Variants in KLHL14 observed in about 807,000 individuals in gnomAD.
The protein encoded by KLHL14 is kelch like family member 14, also known as kelch-like protein 14.
A neutral mutation model predicts 64.3 loss-of-function variants in KLHL14; 22 were observed. The observed-to-expected ratio is 0.34, with a 90% CI of 0.24 to 0.49. The LOEUF (loss-of-function observed/expected upper bound fraction) is 0.49, where lower values mean the gene tolerates loss of function less well. Among genes scored for constraint, KLHL14 ranks in the 20% least tolerant of loss-of-function variants. KLHL14 has a pLI of 0.99. For missense variants in KLHL14, 661 were observed against 789.0 expected (o/e 0.84, Z 1.94); for synonymous variants, 322 against 333.4 (o/e 0.97, Z 0.37).
intron 2 of KLHL14, among the ~76,000 whole-genome samples, chr18:32,767,290 A>G (rs1309030239): frequency 6.6e-6 from 1 of 152,212 alleles, no homozygotes; most frequent in East Asian, 1.9e-4. Context: ...TAGGAACTTC[A>G]TGGTTATTTT....
chr18:32,769,573 G>GCCCC, intron 2 of KLHL14, 72 bp downstream of exon 2: 1 of 356,302 alleles, frequency 2.8e-6, no homozygotes, highest in Non-Finnish European at 4.4e-6. Flanking sequence ...CCTCCTCCCT[G>GCCCC]CCCCCTCCCC....
chr18:32,763,629 TCAGA>T lies in KLHL14; in HGVS notation c.947+6012_947+6015del, dbSNP rs141040730. Reference sequence around the variant, plus strand: ...GATAAGTCAAGCTTGTGGTAGTTGCTCAGACAGTGATAGCTACTATTATTATTGG... The same window carrying T: ...GATAAGTCAAGCTTGTGGTAGTTGCTCAGTGATAGCTACTATTATTATTGG... On this transcript the variant is annotated intron_variant, in intron 2 of 8. Transcript: ENST00000359358. 9.2e-3 allele frequency among the ~76,000 whole-genome samples: 1,405 copies of T among 152,310 alleles called. 18 individuals are homozygous for T. The highest frequency in any genetic ancestry group is 0.032 in the African/African-American group (1,343 of 41,552).
At chr18:32,719,791 C>A (rs2050067126) in intron 3 of KLHL14, among the ~76,000 whole-genome samples, 1 of 152,168 alleles carries the variant, frequency 6.6e-6, no homozygotes, top group African/African-American at 2.4e-5. Context: ...GGAGCTGTGA[C>A]AACACAGAGG....
intron 5 of KLHL14, among the ~76,000 whole-genome samples, chr18:32,682,585 A>AT (rs1180524124): frequency 2.0e-5 from 3 of 152,132 alleles, no homozygotes; most frequent in African/African-American, 7.2e-5. Flanking sequence ...AAAAATTGAG[A>AT]TTTTTCTGGT....
chr18:32,727,067 C>T (rs1303674588), intron 3 of KLHL14, among the ~76,000 whole-genome samples: 1 of 152,220 alleles, frequency 6.6e-6, no homozygotes, highest in Non-Finnish European at 1.5e-5. Context: ...GGGGAGTGAA[C>T]TCCCAACCTT....
intron 3 of KLHL14, among the ~76,000 whole-genome samples, chr18:32,711,659 G>A (rs1398907764): frequency 1.3e-5 from 2 of 152,138 alleles, no homozygotes; most frequent in Admixed American, 1.3e-4. Context: ...GAGTATCTGA[G>A]CATCAAGGGC....
chr18:32,711,522 G>A (rs2050019145), intron 3 of KLHL14, among the ~76,000 whole-genome samples: 1 of 152,130 alleles, frequency 6.6e-6, no homozygotes, highest in Non-Finnish European at 1.5e-5. Context: ...GTGACAAAAT[G>A]GGGAGTAACA....
intron 3 of KLHL14, among the ~76,000 whole-genome samples, chr18:32,737,181 A>G (rs1438027555): frequency 6.6e-6 from 1 of 152,158 alleles, no homozygotes; most frequent in Non-Finnish European, 1.5e-5. Context: ...ATAACATTAA[A>G]TTAAATGGTT....
intron 3 of KLHL14, among the ~76,000 whole-genome samples, chr18:32,736,063 G>T (rs929345584): frequency 4.6e-5 from 7 of 152,116 alleles, no homozygotes; most frequent in Admixed American, 2.0e-4. Context: ...TATGTCTAAA[G>T]AAGGTATCAG....
intron 3 of KLHL14, among the ~76,000 whole-genome samples, chr18:32,710,424 C>G (rs2050013457): frequency 6.6e-6 from 1 of 152,014 alleles, no homozygotes; most frequent in Non-Finnish European, 1.5e-5. Flanking sequence ...AAACGAGTAC[C>G]CATATTTTTA....
chr18:32,682,803 A>G (rs969528972), intron 5 of KLHL14, among the ~76,000 whole-genome samples: 3 of 152,212 alleles, frequency 2.0e-5, no homozygotes. Flanking sequence ...CATATCTACA[A>G]AAATCCATCC....
intron 2 of KLHL14, among the ~76,000 whole-genome samples, chr18:32,755,375 A>C (rs1262731402): frequency 1.3e-5 from 2 of 152,174 alleles, no homozygotes; most frequent in African/African-American, 4.8e-5. Flanking sequence ...TGTGGATGCT[A>C]TACTGTGTGG....
At chr18:32,701,026 A>C (rs1332572814) in intron 3 of KLHL14, among the ~76,000 whole-genome samples, 2 of 152,214 alleles carry the variant, frequency 1.3e-5, no homozygotes, top group African/African-American at 2.4e-5. Context: ...AGAGAGGCCC[A>C]GGGCAGACCA....
At chr18:32,692,430 A>G (rs2049912174) in intron 4 of KLHL14, among the ~76,000 whole-genome samples, 1 of 152,226 alleles carries the variant, frequency 6.6e-6, no homozygotes. Flanking sequence ...TCTCCCTGCC[A>G]GCAATGATAT....
chr18:32,729,110 T>A (rs1190085335), intron 3 of KLHL14, among the ~76,000 whole-genome samples: 1 of 152,102 alleles, frequency 6.6e-6, no homozygotes, highest in Non-Finnish European at 1.5e-5. Context: ...AAGGAGAAAA[T>A]GAGAAGCCAA....
At chr18:32,715,012 C>T (rs2050038174) in intron 3 of KLHL14, among the ~76,000 whole-genome samples, 2 of 151,980 alleles carry the variant, frequency 1.3e-5, no homozygotes, top group South Asian at 4.2e-4. Flanking sequence ...CAACCTTTCA[C>T]AGCAACCTAT....
At chr18:32,707,056 C>T (rs1236008421) in intron 3 of KLHL14, among the ~76,000 whole-genome samples, 2 of 152,140 alleles carry the variant, frequency 1.3e-5, no homozygotes, top group Non-Finnish European at 2.9e-5. Flanking sequence ...AAGGACACCC[C>T]CTCCCACCAC....
chr18:32,735,248 G>C (rs2050159231), intron 3 of KLHL14, among the ~76,000 whole-genome samples: 1 of 152,120 alleles, frequency 6.6e-6, no homozygotes, highest in Non-Finnish European at 1.5e-5. Context: ...GAGATGAATT[G>C]GTGTGGGATC....
intron 3 of KLHL14, among the ~76,000 whole-genome samples, chr18:32,726,116 A>G (rs2144515291): frequency 6.6e-6 from 1 of 152,398 alleles, no homozygotes; most frequent in South Asian, 2.1e-4. Flanking sequence ...TGTTGGCCAA[A>G]TCCAGCCCTC....
Sources: allele counts gnomAD v4.1 joint callset (sites outside exome capture counted in the v4.1 genomes callset), GRCh38; gene constraint gnomAD v4.1.1; transcripts MANE v1.5; gene names NCBI Gene and HGNC (gene_info 2026-07-23, HGNC 2026-07-21).